EBF3: variants seen among roughly 807,000 people sequenced by gnomAD.
EBF3 encodes transcription factor COE3.
In EBF3, 18 loss-of-function variants were observed where a neutral mutation model predicts 77.1. That is an observed-to-expected ratio of 0.23 (90% CI 0.16 to 0.35). The LOEUF (loss-of-function observed/expected upper bound fraction) is 0.35. Ranked by LOEUF, EBF3 falls within the 10% of genes least tolerant of loss-of-function variation. The pLI is 1.00. For synonymous variants in EBF3, 350 were observed against 343.5 expected, an observed-to-expected ratio of 1.02 and a Z score of -0.21; for missense variants, 558 against 860.0, an observed-to-expected ratio of 0.65 and a Z score of 4.39.
At position 129,963,535 on chromosome 10, in the gene EBF3, A is replaced by G; in HGVS notation, c.135-12T>C. 3 of 1,509,890 alleles carry G rather than the reference A, an allele frequency of 2.0e-6. No homozygotes were observed. Among genetic ancestry groups the G allele is most frequent in the Non-Finnish European group, 2.7e-6 (3 of 1,124,960 alleles). 93.5% of individuals were successfully genotyped at this position (1,509,890 alleles called of 1,614,324 possible). On this transcript the variant is annotated splice_polypyrimidine_tract_variant and intron_variant, in intron 1 of 16. Transcript: ENST00000440978. This position sits in a 1 kb window ranked among gnomAD's most constrained non-coding sequence, Gnocchi z 7.1. ...CCAGCCCCACGCCGCTGCGGGAGGA[A>G]AGAGACAGCGGCCCGGTGAGGAGCG...
intron 4 of EBF3, among the ~76,000 whole-genome samples, chr10:129,961,357 A>C (rs1475325956): frequency 6.6e-6 from 1 of 152,186 alleles, no homozygotes; most frequent in Non-Finnish European, 1.5e-5. Context: ...GGAAATCTTT[A>C]AAACAACCAA....
chr10:129,865,484 T>C (rs780377047), intron 10 of EBF3, among the ~76,000 whole-genome samples: 1 of 152,210 alleles, frequency 6.6e-6, no homozygotes, highest in Non-Finnish European at 1.5e-5. Context: ...TGTGGTCTTC[T>C]GGCAGCTCCT....
intron 6 of EBF3, among the ~76,000 whole-genome samples, chr10:129,903,118 T>C (rs1447573299): frequency 6.6e-6 from 1 of 152,238 alleles, no homozygotes; most frequent in Non-Finnish European, 1.5e-5. Flanking sequence ...CACCTTTTTC[T>C]TGACATCTTA....
At chr10:129,882,574 A>G (rs1853283542) in intron 6 of EBF3, among the ~76,000 whole-genome samples, 1 of 152,236 alleles carries the variant, frequency 6.6e-6, no homozygotes, top group Non-Finnish European at 1.5e-5. Context: ...TAGGGCCAAT[A>G]AAGGGGATAT....
At chr10:129,930,560 C>T (rs1456219014) in intron 6 of EBF3, among the ~76,000 whole-genome samples, 12 of 102,172 alleles carry the variant, frequency 1.2e-4, no homozygotes, top group East Asian at 3.5e-4. Context: ...TATATCTATA[C>T]CTGTCTATAT....
chr10:129,951,431 C>G (rs1351095920), intron 6 of EBF3, among the ~76,000 whole-genome samples: 1 of 152,268 alleles, frequency 6.6e-6, no homozygotes, highest in African/African-American at 2.4e-5. Flanking sequence ...CTTGCCTCCA[C>G]CCCTGCACGT....
chr10:129,877,884 G>A (rs956706922), intron 6 of EBF3, 35 bp from the exon 7 acceptor site: 2 of 1,548,278 alleles, frequency 1.3e-6, no homozygotes, highest in Admixed American at 1.7e-5. Context: ...ATTTATTAGG[G>A]TTATCAGACA....
Position 129,842,028 on chromosome 10 carries a change from GGCCCTGGACACGT to G in EBF3, c.1372+75_1372+87del. 6.5e-7 allele frequency: 1 copy of G among 1,539,118 alleles called. No individual in the cohort carries two copies. Among genetic ancestry groups the G allele is most frequent in the African/African-American group, 1.4e-5 (1 of 73,632 alleles). On this transcript the variant is annotated intron_variant, in intron 13 of 16. Transcript: ENST00000440978. This position sits in a 1 kb window ranked among gnomAD's most constrained non-coding sequence, Gnocchi z 4.4. ...AGAACGCTACGGACATTCCCCAGCT[GGCCCTGGACACGT>G]GCCTCTTCAGCTAAGGCCTCAACCA...
At position 129,841,476 on chromosome 10, in the gene EBF3, A is replaced by T. The variant is rs1029866293; in HGVS notation, c.1373-444T>A. Among the ~76,000 whole-genome samples, 4 of 152,138 alleles carry T rather than the reference A, an allele frequency of 2.6e-5. No individual in the cohort carries two copies. Among genetic ancestry groups the T allele is most frequent in the African/African-American group, 9.7e-5 (4 of 41,424 alleles). On this transcript the variant is annotated intron_variant, in intron 13 of 16. Coordinates refer to ENST00000440978, the MANE Select transcript of EBF3 (RefSeq NM_001375380.1). The surrounding 1 kb of genome is among the most constrained non-coding windows in gnomAD (Gnocchi z 4.6). ...ATTTGTATGGTTGTTATTTCTATACATGGGGGCGTTCGGGGGACATGGAAG... is the reference window on the plus strand; with the variant it reads ...ATTTGTATGGTTGTTATTTCTATACTTGGGGGCGTTCGGGGGACATGGAAG...
Position 129,943,651 on chromosome 10 carries a change from T to C in EBF3, c.554+13607A>G, listed in dbSNP as rs1010268761. ...CATCCAAAGTTTGAGTGTGTGAGACTTTTCCTCATTTATTTTCCTTCAGAC... is the reference window on the plus strand; with the variant it reads ...CATCCAAAGTTTGAGTGTGTGAGACCTTTCCTCATTTATTTTCCTTCAGAC... On this transcript the variant is annotated intron_variant, in intron 6 of 16. Transcript: ENST00000440978. The surrounding 1 kb of genome is among the most constrained non-coding windows in gnomAD (Gnocchi z 8.8). Among the ~76,000 whole-genome samples the C allele has an allele frequency of 1.3e-5, 2 of 152,032 alleles. No individual in the cohort carries two copies. Among genetic ancestry groups the C allele is most frequent in the African/African-American group, 4.8e-5 (2 of 41,338 alleles).
At chr10:129,860,543 G>A (rs1240895953) in intron 10 of EBF3, among the ~76,000 whole-genome samples, 9 of 152,174 alleles carry the variant, frequency 5.9e-5, no homozygotes, top group Non-Finnish European at 7.3e-5. Context: ...GCGTGGCCCC[G>A]ATGAGAGCAG....
At chr10:129,886,823 C>T (rs980852115) in intron 6 of EBF3, among the ~76,000 whole-genome samples, 1 of 152,062 alleles carries the variant, frequency 6.6e-6, no homozygotes, top group African/African-American at 2.4e-5. Flanking sequence ...CCTAAATCTT[C>T]AGATGTGATT....
intron 6 of EBF3, among the ~76,000 whole-genome samples, chr10:129,925,047 G>C (rs1172316154): frequency 2.0e-5 from 3 of 151,606 alleles, no homozygotes; most frequent in Non-Finnish European, 4.4e-5. Flanking sequence ...TCCATCAATG[G>C]GTGAATGGAT....
chr10:129,946,039 T>C (rs1858194481), intron 6 of EBF3, among the ~76,000 whole-genome samples: 1 of 150,450 alleles, frequency 6.6e-6, no homozygotes, highest in African/African-American at 2.4e-5. Context: ...ATCCTGTTCC[T>C]GGCTCTGATT....
chr10:129,865,795 G>C (rs1851967775), intron 10 of EBF3, among the ~76,000 whole-genome samples: 1 of 152,220 alleles, frequency 6.6e-6, no homozygotes, highest in South Asian at 2.1e-4. Context: ...AAGCAGAGGG[G>C]GCTTAGCATC....
chr10:129,890,804 C>T (rs1399184361), intron 6 of EBF3, among the ~76,000 whole-genome samples: 1 of 152,178 alleles, frequency 6.6e-6, no homozygotes, highest in African/African-American at 2.4e-5. Context: ...TTTGACAAAG[C>T]TCTGCTGACA....
chr10:129,921,321 C>T (rs1411137713), intron 6 of EBF3, among the ~76,000 whole-genome samples: 1 of 152,136 alleles, frequency 6.6e-6, no homozygotes, highest in Non-Finnish European at 1.5e-5. Flanking sequence ...TCAGTCTCAA[C>T]TCACTTTGCC....
rs958645373 is a variant in EBF3, at chr10:129,842,577, A to G, written c.1195-284T>C. Reference sequence around the variant, plus strand: ...TCAGGAGTTCAAGACCAGCCTGGCCAACATGGCGAAATCCCATCTCTAATG... The same window carrying G: ...TCAGGAGTTCAAGACCAGCCTGGCCGACATGGCGAAATCCCATCTCTAATG... On this transcript the variant is annotated intron_variant, in intron 12 of 16. Transcript: ENST00000440978. This position sits in a 1 kb window ranked among gnomAD's most constrained non-coding sequence, Gnocchi z 4.4. 6.6e-6 allele frequency among the ~76,000 whole-genome samples: 1 copy of G among 152,170 alleles called. No homozygotes were observed. The highest frequency in any genetic ancestry group is 2.4e-5 in the African/African-American group (1 of 41,450).
intron 8 of EBF3, among the ~76,000 whole-genome samples, chr10:129,872,832 C>T (rs376879882): frequency 3.3e-5 from 5 of 152,318 alleles, no homozygotes; most frequent in South Asian, 2.1e-4. Context: ...TTCTGCATTC[C>T]GACCTGATAT....
Sources: allele counts gnomAD v4.1 joint callset (sites outside exome capture counted in the v4.1 genomes callset), GRCh38; gene constraint gnomAD v4.1.1; non-coding constraint Gnocchi (gnomAD v3.1); transcripts MANE v1.5; gene names NCBI Gene and HGNC (gene_info 2026-07-23, HGNC 2026-07-21).